GPR176: variants seen among roughly 807,000 people sequenced by gnomAD.
The protein encoded by GPR176 is G protein-coupled receptor 176, also known as G-protein coupled receptor 176.
In GPR176, 26 loss-of-function variants were observed where a neutral mutation model predicts 35.4. The observed-to-expected ratio is 0.74, with a 90% CI of 0.54 to 1.02. GPR176 has a LOEUF of 1.02. Among genes scored for constraint, GPR176 ranks in the 50% least tolerant of loss-of-function variants. The pLI is 0.00. For missense variants in GPR176, 597 were observed against 665.3 expected, an observed-to-expected ratio of 0.90 and a Z score of 1.13; for synonymous variants, 278 against 271.3, an observed-to-expected ratio of 1.02 and a Z score of -0.24.
rs1899268147 is a variant in GPR176, at chr15:39,807,439, T to C, written c.173-181A>G. On this transcript the variant is annotated intron_variant, in intron 1 of 2. Transcript: ENST00000561100. ...TACATTACAGTCAATTTATGTGAAA[T>C]TATTAAATCACATATCAATAAGTCT... 4.9e-6 allele frequency: 4 copies of C among 808,422 alleles called. No homozygotes were observed. In the South Asian group the frequency reaches 9.7e-5, roughly 20 times the overall value. The allele number at this position is 808,422 out of a possible 1,614,324, so 50.1% of individuals were successfully genotyped here. A position where few individuals can be genotyped will look rare whatever the true frequency, so the allele number is the denominator to read the frequency against.
intron 1 of GPR176, among the ~76,000 whole-genome samples, chr15:39,918,044 T>TAAAAAA (rs11410825): frequency 9.0e-6 from 1 of 111,456 alleles, no homozygotes. Flanking sequence ...AAACTCTGTC[T>TAAAAAA]AAAAAAAAAA....
chr15:39,879,535 C>T (rs1306705352), intron 1 of GPR176, among the ~76,000 whole-genome samples: 1 of 152,192 alleles, frequency 6.6e-6, no homozygotes, highest in Non-Finnish European at 1.5e-5. Flanking sequence ...GCCCATGCTG[C>T]TCAGAGCTCC....
At chr15:39,870,309 G>C (rs371367194) in intron 1 of GPR176, among the ~76,000 whole-genome samples, 2 of 152,004 alleles carry the variant, frequency 1.3e-5, no homozygotes, top group Non-Finnish European at 2.9e-5. Context: ...GCCATATAAG[G>C]TAATAGCCAC....
At chr15:39,888,828 G>T (rs1040216939) in intron 1 of GPR176, among the ~76,000 whole-genome samples, 1 of 152,142 alleles carries the variant, frequency 6.6e-6, no homozygotes, top group African/African-American at 2.4e-5. Flanking sequence ...TAAGCTTCTA[G>T]CTGTGATAAC....
intron 1 of GPR176, among the ~76,000 whole-genome samples, chr15:39,863,322 T>C (rs983810131): frequency 6.6e-6 from 1 of 151,558 alleles, no homozygotes; most frequent in African/African-American, 2.4e-5. Flanking sequence ...TATGTCTTAG[T>C]TTTTAACAAA....
At chr15:39,830,190 A>T (rs1377313039) in intron 1 of GPR176, among the ~76,000 whole-genome samples, 2 of 152,194 alleles carry the variant, frequency 1.3e-5, no homozygotes, top group African/African-American at 4.8e-5. Context: ...GATACTGAAC[A>T]ATCAATGAGC....
chr15:39,861,407 G>A (rs1406421817), intron 1 of GPR176, among the ~76,000 whole-genome samples: 4 of 151,960 alleles, frequency 2.6e-5, no homozygotes, highest in African/African-American at 7.3e-5. Flanking sequence ...AAAATTAGCT[G>A]GGCATAGCGG....
chr15:39,913,807 G>A (rs557938895), intron 1 of GPR176, among the ~76,000 whole-genome samples: 1 of 152,306 alleles, frequency 6.6e-6, no homozygotes, highest in South Asian at 2.1e-4. Context: ...AGCACTTTGG[G>A]AGGCCAAGGC....
intron 2 of GPR176, among the ~76,000 whole-genome samples, chr15:39,802,882 T>C (rs924094809): frequency 9.9e-5 from 15 of 152,224 alleles, no homozygotes; most frequent in African/African-American, 3.6e-4. Context: ...TCAACAGTCA[T>C]TGCTCCCATG....
rs559784997 is a variant in GPR176, at chr15:39,823,578, G to A, written c.173-16320C>T. Among the ~76,000 whole-genome samples the A allele has an allele frequency of 5.9e-5, 9 of 152,060 alleles. No homozygotes were observed. The South Asian group carries it at 1.9e-3, about 32-fold the overall frequency. On this transcript the variant is annotated intron_variant, in intron 1 of 2. Transcript: ENST00000561100. ...CTCACCTCCACTGCTGCAGCTCCTCGCTGGTCTCCCCACACTGCTCCTCCA... is the reference window on the plus strand; with the variant it reads ...CTCACCTCCACTGCTGCAGCTCCTCACTGGTCTCCCCACACTGCTCCTCCA...
chr15:39,855,564 C>T (rs774608964), intron 1 of GPR176, among the ~76,000 whole-genome samples: 3 of 152,100 alleles, frequency 2.0e-5, no homozygotes, highest in African/African-American at 2.4e-5. Flanking sequence ...TTTTGGTTCT[C>T]GCAAGCAGCT....
At chr15:39,892,395 T>G (rs1281053836) in intron 1 of GPR176, among the ~76,000 whole-genome samples, 1 of 152,212 alleles carries the variant, frequency 6.6e-6, no homozygotes, top group Non-Finnish European at 1.5e-5. Flanking sequence ...GTAGTGGATG[T>G]GGAGGAAGCA....
intron 1 of GPR176, among the ~76,000 whole-genome samples, chr15:39,855,924 T>C (rs560168926): frequency 6.6e-6 from 1 of 152,332 alleles, no homozygotes; most frequent in Admixed American, 6.5e-5. Context: ...CTTACATATG[T>C]AAATTCATTT....
intron 1 of GPR176, among the ~76,000 whole-genome samples, chr15:39,895,683 G>A (rs537765427): frequency 6.6e-6 from 1 of 151,960 alleles, no homozygotes; most frequent in Non-Finnish European, 1.5e-5. Context: ...GATGATGAGG[G>A]TGGTAGAGCA....
At chr15:39,882,749 T>G (rs2032523783) in intron 1 of GPR176, among the ~76,000 whole-genome samples, 1 of 152,238 alleles carries the variant, frequency 6.6e-6, no homozygotes, top group South Asian at 2.1e-4. Context: ...TCTGAGTATA[T>G]GTTTTCTCAG....
intron 2 of GPR176, among the ~76,000 whole-genome samples, chr15:39,806,225 C>T (rs1239124938): frequency 2.0e-5 from 3 of 152,208 alleles, no homozygotes; most frequent in African/African-American, 4.8e-5. Context: ...CCTTCAGCAA[C>T]GTTTCCTCTA....
At chr15:39,896,108 G>A (rs1415674141) in intron 1 of GPR176, among the ~76,000 whole-genome samples, 1 of 152,128 alleles carries the variant, frequency 6.6e-6, no homozygotes, top group Non-Finnish European at 1.5e-5. Context: ...AGGCTGGAGT[G>A]CAGTGGCATG....
At chr15:39,828,247 C>G (rs1900817679) in intron 1 of GPR176, among the ~76,000 whole-genome samples, 1 of 152,286 alleles carries the variant, frequency 6.6e-6, no homozygotes, top group Non-Finnish European at 1.5e-5. Flanking sequence ...CTGACAGAAC[C>G]ATCTTAACTA....
intron 1 of GPR176, among the ~76,000 whole-genome samples, chr15:39,808,594 C>T (rs1048562326): frequency 6.6e-6 from 1 of 152,214 alleles, no homozygotes; most frequent in African/African-American, 2.4e-5. Context: ...TCATAGTTCT[C>T]ATCACAATTA....
Sources: allele counts gnomAD v4.1 joint callset (sites outside exome capture counted in the v4.1 genomes callset), GRCh38; gene constraint gnomAD v4.1.1; transcripts MANE v1.5; gene names NCBI Gene and HGNC (gene_info 2026-07-23, HGNC 2026-07-21).